Variants in PCDH9 observed in about 807,000 individuals in gnomAD.
PCDH9 encodes protocadherin-9.
In PCDH9, 24 loss-of-function variants were observed where a neutral mutation model predicts 70.6. The observed-to-expected ratio is 0.34, with a 90% confidence interval of 0.25 to 0.48. The LOEUF is 0.48. Ranked by LOEUF, PCDH9 falls within the 20% of genes least tolerant of loss-of-function variation. The pLI is 0.99. For synonymous variants in PCDH9, 562 were observed against 558.5 expected, an observed-to-expected ratio of 1.01 and a Z score of -0.09; for missense variants, 1,281 against 1,503.6, an observed-to-expected ratio of 0.85 and a Z score of 2.45.
At chr13:66,734,618 G>A (rs185198679) in intron 3 of PCDH9, among the ~76,000 whole-genome samples, 22 of 152,156 alleles carry the variant, frequency 1.4e-4, no homozygotes, top group East Asian at 9.7e-4. Flanking sequence ...TACACTAGAC[G>A]TCAATATTAA....
intron 4 of PCDH9, among the ~76,000 whole-genome samples, chr13:66,510,257 A>G (rs1959400798): frequency 6.6e-6 from 1 of 152,084 alleles, no homozygotes; most frequent in Non-Finnish European, 1.5e-5. Context: ...TTAAAACTGA[A>G]TGAATTATCT....
At chr13:66,400,422 A>G (rs1000379077) in intron 4 of PCDH9, among the ~76,000 whole-genome samples, 4 of 152,240 alleles carry the variant, frequency 2.6e-5, no homozygotes, top group African/African-American at 7.2e-5. Flanking sequence ...TATCTCTATA[A>G]TAAATCTGTA....
At chr13:66,365,995 T>A (rs1956548108) in intron 4 of PCDH9, among the ~76,000 whole-genome samples, 1 of 152,068 alleles carries the variant, frequency 6.6e-6, no homozygotes, top group Non-Finnish European at 1.5e-5. Context: ...ATTTTGCAAA[T>A]ATGAAAAGTA....
chr13:66,330,857 C>T (rs1182801751), intron 4 of PCDH9, among the ~76,000 whole-genome samples: 2 of 152,144 alleles, frequency 1.3e-5, no homozygotes, highest in African/African-American at 2.4e-5. Context: ...CTTTCCTGAA[C>T]TGGCTACTAT....
At chr13:66,911,537 A>G (rs1828605096) in intron 2 of PCDH9, among the ~76,000 whole-genome samples, 1 of 152,156 alleles carries the variant, frequency 6.6e-6, no homozygotes, top group African/African-American at 2.4e-5. Context: ...ATGTTATATG[A>G]GTTTTATGCA....
chr13:66,969,315 C>T (rs1365352744), intron 2 of PCDH9, among the ~76,000 whole-genome samples: 2 of 151,886 alleles, frequency 1.3e-5, no homozygotes, highest in Non-Finnish European at 2.9e-5. Context: ...TTCAGAGCCT[C>T]AAAAAGTGAA....
At chr13:67,174,310 G>GATACATACATACATACATAC (rs567593126) in intron 2 of PCDH9, among the ~76,000 whole-genome samples, 4 of 149,546 alleles carry the variant, frequency 2.7e-5, no homozygotes, top group Admixed American at 6.7e-5. Context: ...TAGATAGATA[G>GATACATACATACATACATAC]ATAGATACAT....
At chr13:66,317,931 A>C (rs1168523570) in intron 4 of PCDH9, among the ~76,000 whole-genome samples, 1 of 152,150 alleles carries the variant, frequency 6.6e-6, no homozygotes. Flanking sequence ...CATTGCTTAA[A>C]TTCAGCTGTA....
At chr13:66,437,979 A>AT (rs1302792282) in intron 4 of PCDH9, among the ~76,000 whole-genome samples, 4 of 152,092 alleles carry the variant, frequency 2.6e-5, no homozygotes, top group Non-Finnish European at 2.9e-5. Context: ...CACGCCTGTA[A>AT]TTCCAACAGT....
chr13:66,470,601 T>C (rs1958599173), intron 4 of PCDH9, among the ~76,000 whole-genome samples: 1 of 151,992 alleles, frequency 6.6e-6, no homozygotes, highest in African/African-American at 2.4e-5. Context: ...TACAAACATT[T>C]CTCTGTTGTC....
At chr13:66,630,212 T>G (rs1184621068) in intron 4 of PCDH9, among the ~76,000 whole-genome samples, 2 of 152,156 alleles carry the variant, frequency 1.3e-5, no homozygotes, top group African/African-American at 4.8e-5. Flanking sequence ...TTTTATTATT[T>G]ACTTCTTAGA....
chr13:66,826,043 T>C (rs2080818817), intron 3 of PCDH9, among the ~76,000 whole-genome samples: 1 of 152,188 alleles, frequency 6.6e-6, no homozygotes. Flanking sequence ...ACCTAAAGAC[T>C]TCCTAAATAT....
intron 2 of PCDH9, among the ~76,000 whole-genome samples, chr13:67,041,613 C>T (rs1473399897): frequency 6.6e-6 from 1 of 151,906 alleles, no homozygotes; most frequent in Non-Finnish European, 1.5e-5. Context: ...AGGTGGATCA[C>T]GAGGTCAGGA....
intron 3 of PCDH9, among the ~76,000 whole-genome samples, chr13:66,856,738 C>T (rs2081401470): frequency 6.6e-6 from 1 of 152,012 alleles, no homozygotes; most frequent in South Asian, 2.1e-4. Flanking sequence ...TATGGATTTT[C>T]AGTAACCGTC....
intron 2 of PCDH9, among the ~76,000 whole-genome samples, chr13:67,192,792 C>T (rs559245470): frequency 6.6e-6 from 1 of 152,276 alleles, no homozygotes; most frequent in African/African-American, 2.4e-5. Context: ...ACGTCCAAAG[C>T]TACACCTTTG....
At chr13:67,206,831 C>T (rs907960950) in intron 2 of PCDH9, 2 of 152,218 alleles carry the variant, frequency 1.3e-5, no homozygotes, top group East Asian at 3.9e-4. Context: ...CTGAGATACA[C>T]TTGTTATCAT....
chr13:66,883,735 G>A (rs1348651072), intron 3 of PCDH9, among the ~76,000 whole-genome samples: 4 of 152,076 alleles, frequency 2.6e-5, no homozygotes, highest in Admixed American at 2.6e-4. Context: ...AGGATTTTGT[G>A]TTTGTGTTTG....
At chr13:66,900,515 TA>T (rs1304180881) in intron 3 of PCDH9, among the ~76,000 whole-genome samples, 2 of 151,922 alleles carry the variant, frequency 1.3e-5, no homozygotes, top group Admixed American at 1.3e-4. Context: ...AGAATTATTA[TA>T]ATGCATATGA....
intron 4 of PCDH9, among the ~76,000 whole-genome samples, chr13:66,362,428 A>G (rs375460492): frequency 1.3e-5 from 2 of 152,294 alleles, no homozygotes; most frequent in East Asian, 1.9e-4. Context: ...TTTTATGGGA[A>G]GATCCCAACA....
Sources: gnomAD v4.1 joint callset for allele counts (sites outside exome capture counted in the v4.1 genomes callset) on GRCh38, gnomAD v4.1.1 for gene constraint, MANE v1.5 for transcripts, NCBI Gene and HGNC (gene_info 2026-07-23, HGNC 2026-07-21) for gene names.